BBX: variants seen among roughly 807,000 people sequenced by gnomAD.
BBX encodes BBX high mobility group box domain containing.
In BBX, 30 loss-of-function variants were observed where a neutral mutation model predicts 100.2. The ratio of observed to expected loss-of-function variants is 0.30; its 90% CI spans 0.22 to 0.41. BBX has a LOEUF of 0.41. Among genes scored for constraint, BBX ranks in the 10% least tolerant of loss-of-function variants. The probability of loss-of-function intolerance (pLI) is 1.00; values close to 1 mark genes in which losing one functional copy is unlikely to be tolerated. For missense variants in BBX, 1,023 were observed against 1,129.8 expected (o/e 0.91, Z 1.35); for synonymous variants, 376 against 388.1 (o/e 0.97, Z 0.37).
At chr3:107,543,421 T>G (rs960852307) in intron 2 of BBX, among the ~76,000 whole-genome samples, 4 of 152,224 alleles carry the variant, frequency 2.6e-5, no homozygotes, top group Non-Finnish European at 5.9e-5. Context: ...TTTGTTTTTA[T>G]TGTTTATAAA....
At chr3:107,571,941 T>C (rs2051400165) in intron 2 of BBX, among the ~76,000 whole-genome samples, 1 of 152,260 alleles carries the variant, frequency 6.6e-6, no homozygotes, top group South Asian at 2.1e-4. Context: ...TTGGGATTCC[T>C]TAGCTGAGTG....
intron 3 of BBX, among the ~76,000 whole-genome samples, chr3:107,707,779 C>A (rs35974061): frequency 0.081 from 12,342 of 152,218 alleles, 694 homozygotes; most frequent in Non-Finnish European, 0.12. Context: ...ATTCTTGAGA[C>A]CCTGTTTTTC....
chr3:107,532,358 T>C (rs1221051461), intron 2 of BBX, among the ~76,000 whole-genome samples: 2 of 152,194 alleles, frequency 1.3e-5, no homozygotes, highest in African/African-American at 4.8e-5. Context: ...CATATCAAAT[T>C]GCAAGTGAGA....
At chr3:107,796,195 T>G (rs1386128893) in intron 15 of BBX, among the ~76,000 whole-genome samples, 1 of 152,234 alleles carries the variant, frequency 6.6e-6, no homozygotes, top group Admixed American at 6.5e-5. Flanking sequence ...TCTCTGTGAC[T>G]GTTACTTCCA....
chr3:107,659,754 C>T, intron 3 of BBX: 1 of 1,281,992 alleles, frequency 7.8e-7, no homozygotes, highest in East Asian at 5.7e-5. Context: ...TGCATGAATG[C>T]ACTGTTTATT....
intron 3 of BBX, among the ~76,000 whole-genome samples, chr3:107,688,060 AAAG>A (rs771454137): frequency 3.3e-5 from 5 of 152,344 alleles, no homozygotes; most frequent in African/African-American, 7.2e-5. Context: ...TCTGAAAAAA[AAAG>A]AAGAAAAATA....
chr3:107,582,123 C>G (rs2052325290), intron 2 of BBX, among the ~76,000 whole-genome samples: 1 of 151,674 alleles, frequency 6.6e-6, no homozygotes, highest in Non-Finnish European at 1.5e-5. Flanking sequence ...TTCGCCAAAC[C>G]TTCTTTTTAA....
intron 9 of BBX, among the ~76,000 whole-genome samples, chr3:107,752,776 A>C (rs1352706710): frequency 6.6e-6 from 1 of 152,218 alleles, no homozygotes; most frequent in Admixed American, 6.5e-5. Context: ...TGAGGAAAAT[A>C]AGAAGCATAC....
Position 107,806,594 on chromosome 3 carries a change from C to G in BBX, c.*1137C>G, listed in dbSNP as rs2071083567. The G allele has an allele frequency of 6.6e-6, 1 of 152,192 alleles. No homozygotes were observed. The highest frequency in any genetic ancestry group is 2.1e-4 in the South Asian group (1 of 4,824). 9.4% of individuals were successfully genotyped at this position (152,192 alleles called of 1,614,324 possible). ...GGAGGTATGCCTGACCAGAGTGGGA[C>G]TCTCAGTCATAGATCCACCTGCAAG... is the stretch of plus-strand genomic sequence containing the variant. On this transcript the variant is annotated 3_prime_UTR_variant, in exon 18 of 18. Transcript: ENST00000325805.
intron 2 of BBX, among the ~76,000 whole-genome samples, chr3:107,571,402 C>G (rs892495855): frequency 3.3e-5 from 5 of 152,160 alleles, no homozygotes; most frequent in African/African-American, 1.2e-4. Context: ...TTCCTGAGTC[C>G]GTGACTGGCG....
intron 7 of BBX, among the ~76,000 whole-genome samples, chr3:107,740,112 G>C (rs540742222): frequency 6.6e-6 from 1 of 152,038 alleles, no homozygotes; most frequent in Non-Finnish European, 1.5e-5. Flanking sequence ...GTGCTGTTGG[G>C]TTATGCCCCC....
Position 107,618,567 on chromosome 3 carries a change from T to G in BBX, c.-83-27269T>G, listed in dbSNP as rs1280611776. Reference sequence around the variant, plus strand: ...GTTCCCGTTTGAGCATTGCGTTTCCTGTTCTACTCATGTTGATATGCTATA... The same window carrying G: ...GTTCCCGTTTGAGCATTGCGTTTCCGGTTCTACTCATGTTGATATGCTATA... On this transcript the variant is annotated intron_variant, in intron 2 of 17. Transcript: ENST00000325805. Among the ~76,000 whole-genome samples, 2 of 152,114 alleles carry G rather than the reference T, an allele frequency of 1.3e-5. 1 individual carries two copies. The highest frequency in any genetic ancestry group is 1.3e-4 in the Admixed American group (2 of 15,270).
chr3:107,583,083 G>A (rs1011478347), intron 2 of BBX, among the ~76,000 whole-genome samples: 1 of 151,182 alleles, frequency 6.6e-6, no homozygotes, highest in Non-Finnish European at 1.5e-5. Context: ...ATGAAGTATT[G>A]CAACTATAAT....
chr3:107,607,776 C>T (rs2054561904), intron 2 of BBX, among the ~76,000 whole-genome samples: 1 of 152,142 alleles, frequency 6.6e-6, no homozygotes, highest in South Asian at 2.1e-4. Flanking sequence ...TAATACCTCA[C>T]TGTAATTTTA....
chr3:107,568,027 AAGG>A (rs1332983757), intron 2 of BBX, among the ~76,000 whole-genome samples: 1 of 151,702 alleles, frequency 6.6e-6, no homozygotes, highest in Non-Finnish European at 1.5e-5. Context: ...AAAAAAAAAA[AAGG>A]AAAACATCTC....
At position 107,807,869 on chromosome 3, in the gene BBX, A is replaced by G. The variant is rs1046206575; in HGVS notation, c.*2412A>G. ...GACTGTTTTCAGATACTTTAAAACA[A>G]ACCTTTTTGTAGAAATGCTTAATTT... is the stretch of plus-strand genomic sequence containing the variant. On this transcript the variant is annotated 3_prime_UTR_variant, in exon 18 of 18. Transcript: ENST00000325805. 6 of 152,206 alleles carry G rather than the reference A, an allele frequency of 3.9e-5. No homozygotes were observed. Among genetic ancestry groups the G allele is most frequent in the African/African-American group, 1.4e-4 (6 of 41,460 alleles). The allele number at this position is 152,206 out of a possible 1,614,324, so 9.4% of individuals were successfully genotyped here. A position where few individuals can be genotyped will look rare whatever the true frequency, so the allele number is the denominator to read the frequency against.
chr3:107,607,818 G>A (rs534326767), intron 2 of BBX, among the ~76,000 whole-genome samples: 1 of 152,246 alleles, frequency 6.6e-6, no homozygotes, highest in African/African-American at 2.4e-5. Flanking sequence ...GTGATATTGT[G>A]TACCTTTTTA....
chr3:107,571,298 G>A (rs1316507812), intron 2 of BBX, among the ~76,000 whole-genome samples: 2 of 152,166 alleles, frequency 1.3e-5, no homozygotes, highest in African/African-American at 4.8e-5. Context: ...AATGACCAAG[G>A]CAGGCATCCC....
At chr3:107,657,317 G>A (rs2058205271) in intron 3 of BBX, 1 of 152,040 alleles carries the variant, frequency 6.6e-6, no homozygotes, top group Admixed American at 6.6e-5. Flanking sequence ...CCCATTTACG[G>A]GGCAAAAGTT....
Sources: allele counts gnomAD v4.1 joint callset (sites outside exome capture counted in the v4.1 genomes callset), GRCh38; gene constraint gnomAD v4.1.1; transcripts MANE v1.5; gene names NCBI Gene and HGNC (gene_info 2026-07-23, HGNC 2026-07-21).